The following MGAT4C variants were observed in gnomAD, a reference collection of about 807,000 sequenced individuals.
MGAT4C encodes MGAT4 family member C.
In MGAT4C, 19 loss-of-function variants were observed where a neutral mutation model predicts 40.1. The ratio of observed to expected loss-of-function variants is 0.47; its 90% confidence interval spans 0.33 to 0.70. The LOEUF is 0.70. Among genes scored for constraint, MGAT4C ranks in the 30% least tolerant of loss-of-function variants. MGAT4C has a pLI of 0.02. For missense variants in MGAT4C, 491 were observed against 563.2 expected, an observed-to-expected ratio of 0.87 and a Z score of 1.30; for synonymous variants, 181 against 187.1, an observed-to-expected ratio of 0.97 and a Z score of 0.27.
At chr12:86,012,420 T>G (rs962136904) in intron 2 of MGAT4C, among the ~76,000 whole-genome samples, 10 of 152,052 alleles carry the variant, frequency 6.6e-5, no homozygotes, top group African/African-American at 2.4e-4. Flanking sequence ...AGTTTTTGTT[T>G]GGGAACAGAA....
At chr12:86,047,243 G>T (rs546043573) in intron 2 of MGAT4C, among the ~76,000 whole-genome samples, 1 of 151,914 alleles carries the variant, frequency 6.6e-6, no homozygotes, top group African/African-American at 2.4e-5. Context: ...GTGACTGTCC[G>T]CAAAATGTAA....
intron 2 of MGAT4C, among the ~76,000 whole-genome samples, chr12:86,670,245 A>C (rs1397561651): frequency 6.6e-6 from 1 of 152,118 alleles, no homozygotes; most frequent in Non-Finnish European, 1.5e-5. Flanking sequence ...TGAAAAATTC[A>C]ACAAATGGAT....
At chr12:86,379,670 A>G (rs1295230273) in intron 3 of MGAT4C, among the ~76,000 whole-genome samples, 1 of 152,140 alleles carries the variant, frequency 6.6e-6, no homozygotes, top group Non-Finnish European at 1.5e-5. Flanking sequence ...ATTCTATATA[A>G]AACAATACTT....
chr12:86,704,837 A>G (rs575717118), intron 2 of MGAT4C, among the ~76,000 whole-genome samples: 8 of 152,308 alleles, frequency 5.3e-5, no homozygotes, highest in Admixed American at 5.2e-4. Context: ...TGATAACAAG[A>G]TACACACACC....
intron 2 of MGAT4C, among the ~76,000 whole-genome samples, chr12:86,659,830 A>G (rs894472538): frequency 6.6e-6 from 1 of 152,014 alleles, no homozygotes; most frequent in African/African-American, 2.4e-5. Flanking sequence ...TATGTTGACT[A>G]AATAGTGTCT....
At chr12:86,231,064 T>G (rs1951301612) in intron 1 of MGAT4C, among the ~76,000 whole-genome samples, 1 of 152,128 alleles carries the variant, frequency 6.6e-6, no homozygotes, top group Non-Finnish European at 1.5e-5. Context: ...GACGAAAAAT[T>G]TATGCCTCGA....
rs918080806 is a variant in MGAT4C at position 85,959,320 on chromosome 12, A to T, written c.*19969T>A. 6.6e-6 allele frequency: 1 copy of T among 152,066 alleles called. No individual in the cohort carries two copies. Among genetic ancestry groups the T allele is most frequent in the Non-Finnish European group, 1.5e-5 (1 of 67,958 alleles). 9.4% of individuals were successfully genotyped at this position (152,066 alleles called of 1,614,324 possible). ...CATAAGATCATGTAAATTTATTTGG[A>T]TATGCTGAAAAAAGAGGGGGTATAA... On this transcript the variant is annotated 3_prime_UTR_variant, in exon 5 of 5. Transcript: ENST00000611864.
At position 86,083,236 on chromosome 12, in the gene MGAT4C, C is replaced by G. The variant is rs140745170; in HGVS notation, c.-56-33513G>C. Among the ~76,000 whole-genome samples, 1,159 of 152,140 alleles carry G rather than the reference C, an allele frequency of 7.6e-3. 10 individuals carry two copies. Among genetic ancestry groups the G allele is most frequent in the Non-Finnish European group, 0.011 (770 of 67,974 alleles). ...TCATTCATAGGGGCATTGACTTACTCTAGACATTCATACCTTCTCATCTGA... is the reference window on the plus strand; with the variant it reads ...TCATTCATAGGGGCATTGACTTACTGTAGACATTCATACCTTCTCATCTGA... On this transcript the variant is annotated intron_variant, in intron 1 of 4. Coordinates refer to ENST00000611864, the MANE Select transcript of MGAT4C (RefSeq NM_001351288.2).
intron 1 of MGAT4C, among the ~76,000 whole-genome samples, chr12:86,110,279 G>GACTATATATATATATATA (rs1877058818): frequency 3.8e-5 from 1 of 26,512 alleles, no homozygotes; most frequent in Non-Finnish European, 6.7e-5. Context: ...TATATATATA[G>GACTATATATATATATATA]TCTATATATA....
intron 4 of MGAT4C, among the ~76,000 whole-genome samples, chr12:86,332,547 C>A (rs1954693538): frequency 6.6e-6 from 1 of 152,002 alleles, no homozygotes; most frequent in Admixed American, 6.6e-5. Context: ...CATTTTACAA[C>A]ACATGCCATT....
intron 1 of MGAT4C, among the ~76,000 whole-genome samples, chr12:86,172,689 T>C (rs757836152): frequency 2.0e-5 from 3 of 152,078 alleles, no homozygotes; most frequent in Non-Finnish European, 4.4e-5. Context: ...TTGCTAAGGG[T>C]ATAAATTAGA....
chr12:86,755,404 T>C (rs1438443708), intron 1 of MGAT4C, among the ~76,000 whole-genome samples: 1 of 152,146 alleles, frequency 6.6e-6, no homozygotes, highest in Non-Finnish European at 1.5e-5. Flanking sequence ...TTCTGACTGA[T>C]AACATTAGTA....
chr12:86,810,941 C>T (rs1333830260), intron 1 of MGAT4C, among the ~76,000 whole-genome samples: 1 of 150,830 alleles, frequency 6.6e-6, no homozygotes, highest in Non-Finnish European at 1.5e-5. Flanking sequence ...TTCCTTCCTG[C>T]TTTTTGCTCT....
chr12:86,410,431 A>T (rs1409549011), intron 3 of MGAT4C, among the ~76,000 whole-genome samples: 1 of 152,182 alleles, frequency 6.6e-6, no homozygotes, highest in African/African-American at 2.4e-5. Flanking sequence ...ATCTCTCCTA[A>T]TTGCACATCC....
intron 1 of MGAT4C, among the ~76,000 whole-genome samples, chr12:86,138,079 T>A (rs1345136371): frequency 6.6e-6 from 1 of 152,116 alleles, no homozygotes; most frequent in East Asian, 1.9e-4. Context: ...AGAATGTGAA[T>A]CACGTTCTGA....
intron 2 of MGAT4C, among the ~76,000 whole-genome samples, chr12:86,026,411 G>A (rs1890250279): frequency 6.6e-6 from 1 of 151,602 alleles, no homozygotes; most frequent in African/African-American, 2.4e-5. Flanking sequence ...ACCATATCAT[G>A]TTTTTGTTTC....
chr12:86,468,688 C>T (rs2136301791), intron 2 of MGAT4C, among the ~76,000 whole-genome samples: 1 of 152,246 alleles, frequency 6.6e-6, no homozygotes, highest in African/African-American at 2.4e-5. Context: ...ATTTCCCCTT[C>T]CTCGGTTCTA....
rs373057759 is a variant in MGAT4C at position 86,740,997 on chromosome 12, C to G, written c.-261-13756G>C. 8.0e-5 allele frequency among the ~76,000 whole-genome samples: 12 copies of G among 150,874 alleles called. No individual in the cohort carries two copies. The East Asian group carries it at 1.2e-3, about 15-fold the overall frequency. On this transcript the variant is annotated intron_variant, in intron 1 of 7. Coordinates refer to the MGAT4C transcript ENST00000548651. ...AAGTAGTTTTTGAACCCACACCCAC[C>G]TCTCTCCCTCCCTTATCTAGTAGTC... is the stretch of plus-strand genomic sequence containing the variant.
intron 3 of MGAT4C, among the ~76,000 whole-genome samples, chr12:86,343,913 C>T (rs955757779): frequency 6.6e-5 from 10 of 151,980 alleles, no homozygotes; most frequent in Middle Eastern, 3.4e-3. Flanking sequence ...TATGAGTGCA[C>T]GCCTGCTGTT....
Sources: gnomAD v4.1 joint callset for allele counts (sites outside exome capture counted in the v4.1 genomes callset) on GRCh38, gnomAD v4.1.1 for gene constraint, MANE v1.5 for transcripts, NCBI Gene and HGNC (gene_info 2026-07-23, HGNC 2026-07-21) for gene names.